RAB3GAP1: variants seen among roughly 807,000 people sequenced by gnomAD.
The protein encoded by RAB3GAP1 is RAB3 GTPase activating protein catalytic subunit 1, also known as rab3 GTPase-activating protein catalytic subunit.
A neutral mutation model predicts 130.7 loss-of-function variants in RAB3GAP1; 86 were observed. The observed-to-expected ratio is 0.66, with a 90% CI of 0.55 to 0.79. The LOEUF (loss-of-function observed/expected upper bound fraction) is 0.79. Among genes scored for constraint, RAB3GAP1 ranks in the 30% least tolerant of loss-of-function variants. RAB3GAP1 has a pLI of 0.00. For missense variants in RAB3GAP1, 1,029 were observed against 1,169.4 expected (o/e 0.88, Z 1.75); for synonymous variants, 367 against 401.7 (o/e 0.91, Z 1.03).
intron 17 of RAB3GAP1, among the ~76,000 whole-genome samples, chr2:135,142,886 A>AT (rs1380929390): frequency 0.032 from 4,289 of 135,928 alleles, 171 homozygotes; most frequent in African/African-American, 0.1. Flanking sequence ...GCTGGAGTTT[A>AT]TTTTTTTTTT....
intron 18 of RAB3GAP1, among the ~76,000 whole-genome samples, chr2:135,151,573 A>G (rs1302475105): frequency 6.6e-6 from 1 of 152,198 alleles, no homozygotes; most frequent in Non-Finnish European, 1.5e-5. Context: ...TAAGAGCTAT[A>G]TGTTTTCCTT....
At chr2:135,092,626 C>G (rs1166923512) in intron 4 of RAB3GAP1, among the ~76,000 whole-genome samples, 1 of 152,076 alleles carries the variant, frequency 6.6e-6, no homozygotes, top group Non-Finnish European at 1.5e-5. Context: ...TTAGTAGAGA[C>G]AGGGTTTTGC....
chr2:135,074,003 CT>C (rs1293401265), intron 3 of RAB3GAP1, among the ~76,000 whole-genome samples: 1 of 152,168 alleles, frequency 6.6e-6, no homozygotes, highest in African/African-American at 2.4e-5. Context: ...GGCATTCCAC[CT>C]ATTGGAAAGG....
At chr2:135,131,531 C>T (rs545123648) in intron 13 of RAB3GAP1, among the ~76,000 whole-genome samples, 9 of 152,080 alleles carry the variant, frequency 5.9e-5, no homozygotes, top group Non-Finnish European at 7.4e-5. Context: ...CACCTGGCCC[C>T]GGAAGTATAT....
rs200860381 is a variant in RAB3GAP1, at chr2:135,112,834, T to TCACACACA, written c.363-290_363-283dup. 7.5e-4 allele frequency among the ~76,000 whole-genome samples: 99 copies of TCACACACA among 132,470 alleles called. No individual in the cohort carries two copies. The East Asian group carries it at 9.4e-3, about 13-fold the overall frequency. The allele number at this position is 132,470 out of a possible 152,430, so 86.9% of individuals were successfully genotyped here. A position where few individuals can be genotyped will look rare whatever the true frequency, so the allele number is the denominator to read the frequency against. On this transcript the variant is annotated intron_variant, in intron 5 of 23. Transcript: ENST00000264158. The stretch of plus-strand genomic sequence containing the variant: ...GTCAAAGTCTCTCTCTCTCTCTCTC[T>TCACACACA]CACACACACACACACACACACACAC...
rs572043395 is a variant in RAB3GAP1 at position 135,165,744 on chromosome 2, A to T, written c.2709+1048A>T. On this transcript the variant is annotated intron_variant, in intron 23 of 23. Coordinates refer to ENST00000264158, the MANE Select transcript of RAB3GAP1 (RefSeq NM_012233.3). ...ATTTTGTTTTTCTCTCTGGCATGAA[A>T]ACAAGAACCGAGTTTGGTTCCACAT... is the stretch of plus-strand genomic sequence containing the variant. Among the ~76,000 whole-genome samples, 926 of 152,322 alleles carry T rather than the reference A, an allele frequency of 6.1e-3. 9 individuals are homozygous for T. The highest frequency in any genetic ancestry group is 0.022 in the African/African-American group (900 of 41,574).
At chr2:135,072,337 A>G (rs1222028376) in intron 3 of RAB3GAP1, among the ~76,000 whole-genome samples, 1 of 152,212 alleles carries the variant, frequency 6.6e-6, no homozygotes, top group African/African-American at 2.4e-5. Flanking sequence ...AGAGACTTAT[A>G]TCCCGTTTGC....
At chr2:135,086,331 A>C (rs1689981421) in intron 3 of RAB3GAP1, among the ~76,000 whole-genome samples, 1 of 152,142 alleles carries the variant, frequency 6.6e-6, no homozygotes. Flanking sequence ...TTATGCTCTT[A>C]GCCGTGCATG....
downstream of RAB3GAP1, among the ~76,000 whole-genome samples, chr2:135,173,252 T>C (rs1314632746): frequency 6.6e-6 from 1 of 151,730 alleles, no homozygotes; most frequent in Non-Finnish European, 1.5e-5. Context: ...ATATAATAAA[T>C]TGGGAAACAT....
intron 19 of RAB3GAP1, among the ~76,000 whole-genome samples, chr2:135,156,491 GGAT>G (rs1349401765): frequency 1.3e-5 from 2 of 152,052 alleles, no homozygotes; most frequent in Non-Finnish European, 2.9e-5. Context: ...TCAAATATGA[GGAT>G]GATTATTTAG....
At chr2:135,086,245 T>C (rs1017198499) in intron 3 of RAB3GAP1, among the ~76,000 whole-genome samples, 1 of 152,032 alleles carries the variant, frequency 6.6e-6, no homozygotes, top group African/African-American at 2.4e-5. Flanking sequence ...AGGAGTGGAG[T>C]TGCTAGGTCT....
chr2:135,144,271 C>A (rs780500355), intron 17 of RAB3GAP1, among the ~76,000 whole-genome samples: 1 of 152,230 alleles, frequency 6.6e-6, no homozygotes, highest in African/African-American at 2.4e-5. Context: ...TATTGAGTGA[C>A]AGAAACAGCT....
chr2:135,057,713 A>G (rs898597360), intron 2 of RAB3GAP1, among the ~76,000 whole-genome samples: 1 of 152,206 alleles, frequency 6.6e-6, no homozygotes, highest in African/African-American at 2.4e-5. Context: ...TTTGTGCCCC[A>G]AATTTGTTTT....
chr2:135,158,261 T>C (rs1156400656), intron 19 of RAB3GAP1, among the ~76,000 whole-genome samples: 2 of 152,192 alleles, frequency 1.3e-5, no homozygotes, highest in African/African-American at 2.4e-5. Context: ...TTCCTTTTTT[T>C]AGACATTTAG....
At chr2:135,062,315 T>G (rs913176377) in intron 3 of RAB3GAP1, among the ~76,000 whole-genome samples, 3 of 152,268 alleles carry the variant, frequency 2.0e-5, no homozygotes, top group African/African-American at 7.2e-5. Context: ...GTCAAATATT[T>G]AATAGTATCT....
At position 135,153,700 on chromosome 2, in the gene RAB3GAP1, C is replaced by T. The variant is rs749129752; in HGVS notation, c.2113C>T (p.Arg705Trp). 1.4e-5 allele frequency: 23 copies of T among 1,613,730 alleles called. No homozygotes were observed. The highest frequency in any genetic ancestry group is 3.3e-5 in the South Asian group (3 of 91,074). Residue 705 changes from arginine to tryptophan, a missense_variant, in exon 19 of 24, where the codon CGG (arginine) becomes TGG (tryptophan). This residue lies in a region of RAB3GAP1 where 373 missense variants were observed against 493.6 expected (regional missense o/e 0.76). Transcript: ENST00000264158. ...LEDFVRWYSP[R>W]DYIEEEVIDE... ...AGATTTTGTGAGGTGGTATTCACCC[C>T]GGGATTATATTGAAGAGGAGGTGAT...
chr2:135,093,745 T>G, intron 5 of RAB3GAP1, 52 bp downstream of exon 5: 9 of 1,283,288 alleles, frequency 7.0e-6, no homozygotes, highest in Non-Finnish European at 1.0e-5. Flanking sequence ...GCGGGGGACC[T>G]CAACACTGTC....
Position 135,062,355 on chromosome 2 carries a change from A to G in RAB3GAP1, c.150+4269A>G, listed in dbSNP as rs187671371. On this transcript the variant is annotated intron_variant, in intron 3 of 23. Transcript: ENST00000264158. ...TTTCTACCTGCCAGATGCCAGTAAC[A>G]TGTTTCCAGTTGTGACAACCAAAAT... is the stretch of plus-strand genomic sequence containing the variant. Among the ~76,000 whole-genome samples, 19 of 152,344 alleles carry G rather than the reference A, an allele frequency of 1.2e-4. No homozygotes were observed. In the East Asian group the frequency reaches 3.3e-3, roughly 26 times the overall value.
Position 135,168,394 on chromosome 2 carries a change from G to T in RAB3GAP1, c.2710-151G>T. ...CTTCTTGCATTTGCTGTGTTATGTG[G>T]TTTTTGAGTAATCTTAACATATAGC... On this transcript the variant is annotated intron_variant, in intron 23 of 23. Transcript: ENST00000264158. The T allele has an allele frequency of 5.0e-6, 4 of 794,294 alleles. No homozygotes were observed. The South Asian group carries it at 5.5e-5, about 11-fold the overall frequency. The allele number at this position is 794,294 out of a possible 1,614,324, so 49.2% of individuals were successfully genotyped here.
Sources: gnomAD v4.1 joint callset for allele counts (sites outside exome capture counted in the v4.1 genomes callset) on GRCh38, gnomAD v4.1.1 for gene constraint, gnomAD v4.1.1 regional missense constraint, MANE v1.5 for transcripts, NCBI Gene and HGNC (gene_info 2026-07-23, HGNC 2026-07-21) for gene names.